The following SHANK2 variants were observed in gnomAD, a reference collection of about 807,000 sequenced individuals.
SHANK2 encodes SH3 and multiple ankyrin repeat domains 2, also known as SH3 and multiple ankyrin repeat domains protein 2.
SHANK2 carries 43 observed loss-of-function variants against 133.7 expected under a neutral mutation model. The ratio of observed to expected loss-of-function variants is 0.32; its 90% CI spans 0.25 to 0.41. SHANK2 has a LOEUF of 0.41. Among genes scored for constraint, SHANK2 ranks in the 10% least tolerant of loss-of-function variants. The probability of loss-of-function intolerance (pLI) is 1.00; values close to 1 mark genes in which losing one functional copy is unlikely to be tolerated. For missense variants in SHANK2, 1,994 were observed against 2,235.8 expected, an observed-to-expected ratio of 0.89 and a Z score of 2.18; for synonymous variants, 1,017 against 952.8, an observed-to-expected ratio of 1.07 and a Z score of -1.24.
rs1241822763 is a variant in SHANK2, at chr11:70,930,837, T to TA, written c.1108-34271_1108-34270insT. Among the ~76,000 whole-genome samples, 53 of 64,684 alleles carry TA rather than the reference T, an allele frequency of 8.2e-4. No homozygotes were observed. In the African/African-American group the frequency reaches 0.016, roughly 20 times the overall value. 42.4% of individuals were successfully genotyped at this position (64,684 alleles called of 152,430 possible). ...AGACATGCCCCACCACACCCAGCGG[T>TA]TTTTTTTTTTTTAGAGATGGGGTCT... On this transcript the variant is annotated intron_variant, in intron 10 of 25. Transcript: ENST00000601538.
chr11:71,251,047 CCTGCCAGCAG>C (rs1469384402), intron 1 of SHANK2, among the ~76,000 whole-genome samples: 7 of 152,198 alleles, frequency 4.6e-5, no homozygotes, highest in African/African-American at 7.2e-5. Flanking sequence ...CGCCCAGGCC[CCTGCCAGCAG>C]CTGCCAGCCC....
At chr11:70,717,463 G>A (rs1945962821) in intron 14 of SHANK2, among the ~76,000 whole-genome samples, 2 of 152,170 alleles carry the variant, frequency 1.3e-5, no homozygotes, top group South Asian at 2.1e-4. Flanking sequence ...TAAATCAGAA[G>A]CAGGCGAAAG....
intron 2 of SHANK2, among the ~76,000 whole-genome samples, chr11:71,171,503 G>A (rs1369573645): frequency 6.6e-6 from 1 of 152,178 alleles, no homozygotes; most frequent in Non-Finnish European, 1.5e-5. Context: ...CTGGCCGCTG[G>A]TCAAGTCCTG....
Position 70,661,692 on chromosome 11 carries a change from T to C in SHANK2, c.1854-14A>G. The C allele has an allele frequency of 6.2e-7, 1 of 1,614,076 alleles. No homozygotes were observed. Among genetic ancestry groups the C allele is most frequent in the Non-Finnish European group, 8.5e-7 (1 of 1,180,038 alleles). ...ATAATGCAGTCACTGTAGAGAGAAT[T>C]CCGGGGACAGCGACCATTATTGTAG... On this transcript the variant is annotated splice_polypyrimidine_tract_variant and intron_variant, in intron 15 of 25. Coordinates refer to ENST00000601538, the MANE Select transcript of SHANK2 (RefSeq NM_012309.5).
intron 3 of SHANK2, among the ~76,000 whole-genome samples, chr11:71,131,536 G>A (rs1555103711): frequency 6.6e-6 from 1 of 152,218 alleles, no homozygotes; most frequent in East Asian, 1.9e-4. Context: ...CAGGCGATTA[G>A]TAAGAGGCTG....
Position 70,788,908 on chromosome 11 carries a change from C to G in SHANK2, c.1777+9535G>C, listed in dbSNP as rs1555047302. Among the ~76,000 whole-genome samples, 4 of 152,212 alleles carry G rather than the reference C, an allele frequency of 2.6e-5. No individual in the cohort carries two copies. In the South Asian group the frequency reaches 8.3e-4, roughly 32 times the overall value. ...GAGGAAACACATGCCAGCCTCACCA[C>G]CACCCTGTCGGGTCCACACGATCTG... On this transcript the variant is annotated intron_variant, in intron 14 of 25. Coordinates refer to ENST00000601538, the MANE Select transcript of SHANK2 (RefSeq NM_012309.5).
intron 17 of SHANK2, among the ~76,000 whole-genome samples, chr11:70,562,746 T>C (rs1363187442): frequency 1.3e-5 from 2 of 152,196 alleles, no homozygotes; most frequent in African/African-American, 4.8e-5. Context: ...CGTCTGCATT[T>C]AATATGTGAT....
chr11:71,198,948 G>A (rs1555116657), intron 2 of SHANK2, among the ~76,000 whole-genome samples: 1 of 152,156 alleles, frequency 6.6e-6, no homozygotes, highest in Admixed American at 6.6e-5. Context: ...TCATGACCAG[G>A]CCCATTTCCT....
intron 11 of SHANK2, among the ~76,000 whole-genome samples, chr11:70,840,757 C>T (rs1948890962): frequency 6.6e-6 from 1 of 152,172 alleles, no homozygotes; most frequent in African/African-American, 2.4e-5. Flanking sequence ...AGCCTGCAGA[C>T]TCAGGATCTC....
chr11:71,187,346 GT>G (rs1439956987), intron 2 of SHANK2, among the ~76,000 whole-genome samples: 1 of 151,960 alleles, frequency 6.6e-6, no homozygotes, highest in Non-Finnish European at 1.5e-5. Context: ...CTCATGTTTT[GT>G]TTGGGGACAG....
chr11:70,839,078 G>A (rs756293940), intron 11 of SHANK2, among the ~76,000 whole-genome samples: 12 of 152,200 alleles, frequency 7.9e-5, no homozygotes, highest in Non-Finnish European at 1.3e-4. Flanking sequence ...TCTGACATGA[G>A]CTGCTCCATC....
At chr11:70,941,857 T>TATAATA (rs1272463330) in intron 10 of SHANK2, among the ~76,000 whole-genome samples, 2 of 150,400 alleles carry the variant, frequency 1.3e-5, no homozygotes, top group Non-Finnish European at 3.0e-5. Flanking sequence ...TAATATAATA[T>TATAATA]ATAATAATAA....
chr11:70,499,762 CTGCTGCAG>C (rs2059024188), intron 21 of SHANK2, among the ~76,000 whole-genome samples: 1 of 152,224 alleles, frequency 6.6e-6, no homozygotes, highest in Non-Finnish European at 1.5e-5. Context: ...AAGCCCGGGG[CTGCTGCAG>C]AGAGGCCGCT....
chr11:70,502,744 C>G (rs567885232), intron 18 of SHANK2, 52 bp downstream of exon 18: 7 of 791,148 alleles, frequency 8.8e-6, no homozygotes, highest in African/African-American at 2.1e-5. Context: ...CGCCCCCACC[C>G]CCCCCCCCCA....
At chr11:70,540,596 C>T (rs1327708609) in intron 17 of SHANK2, among the ~76,000 whole-genome samples, 2 of 152,160 alleles carry the variant, frequency 1.3e-5, no homozygotes, top group African/African-American at 2.4e-5. Context: ...AAACCCACCC[C>T]GTCAGCCCCA....
At chr11:70,903,068 G>A (rs1487653385) in intron 10 of SHANK2, among the ~76,000 whole-genome samples, 1 of 152,158 alleles carries the variant, frequency 6.6e-6, no homozygotes, top group African/African-American at 2.4e-5. Flanking sequence ...AGCACCTCAA[G>A]TGCTTACACC....
At chr11:71,061,999 G>A (rs1265112070) in intron 9 of SHANK2, among the ~76,000 whole-genome samples, 3 of 117,950 alleles carry the variant, frequency 2.5e-5, no homozygotes, top group African/African-American at 9.7e-5. Context: ...TTTTTCTTGA[G>A]ACAGGGTCTT....
intron 9 of SHANK2, among the ~76,000 whole-genome samples, chr11:71,059,076 G>C (rs1205658588): frequency 6.6e-6 from 1 of 152,236 alleles, no homozygotes; most frequent in African/African-American, 2.4e-5. Flanking sequence ...ACTTAGCTGG[G>C]TGCGGTGGCA....
At chr11:71,221,249 G>A (rs1316798552) in intron 2 of SHANK2, among the ~76,000 whole-genome samples, 1 of 151,536 alleles carries the variant, frequency 6.6e-6, no homozygotes, top group Admixed American at 6.6e-5. Flanking sequence ...TGTATTATGT[G>A]TATCTTGCTA....
Sources: gnomAD v4.1 joint callset for allele counts (sites outside exome capture counted in the v4.1 genomes callset) on GRCh38, gnomAD v4.1.1 for gene constraint, MANE v1.5 for transcripts, NCBI Gene and HGNC (gene_info 2026-07-23, HGNC 2026-07-21) for gene names.